Variants in THSD7A observed in about 807,000 individuals in gnomAD.
The protein encoded by THSD7A is thrombospondin type-1 domain-containing protein 7A.
In THSD7A, 96 loss-of-function variants were observed where a neutral mutation model predicts 231.3. The ratio of observed to expected loss-of-function variants is 0.41; its 90% CI spans 0.35 to 0.49. The LOEUF is 0.49. Among genes scored for constraint, THSD7A ranks in the 20% least tolerant of loss-of-function variants. The pLI is 0.05. For missense variants in THSD7A, 2,290 were observed against 2,070.2 expected (o/e 1.11, Z -2.06); for synonymous variants, 940 against 743.3 (o/e 1.26, Z -4.30).
chr7:11,788,636 A>T (rs772852125), intron 1 of THSD7A, among the ~76,000 whole-genome samples: 21 of 152,072 alleles, frequency 1.4e-4, no homozygotes, highest in Non-Finnish European at 3.1e-4. Flanking sequence ...AAGTCATTCA[A>T]TGTAGAGACG....
At chr7:11,397,348 G>A (rs1783227575) in intron 23 of THSD7A, among the ~76,000 whole-genome samples, 1 of 152,170 alleles carries the variant, frequency 6.6e-6, no homozygotes, top group African/African-American at 2.4e-5. Context: ...CGGGAAAACT[G>A]GCTAGCCATA....
At chr7:11,449,026 T>G (rs1785062662) in intron 11 of THSD7A, among the ~76,000 whole-genome samples, 1 of 152,096 alleles carries the variant, frequency 6.6e-6, no homozygotes. Flanking sequence ...AGGACACATC[T>G]GGTACTCTGT....
At chr7:11,518,332 G>C (rs1179220230) in intron 6 of THSD7A, among the ~76,000 whole-genome samples, 2 of 152,126 alleles carry the variant, frequency 1.3e-5, no homozygotes, top group Non-Finnish European at 2.9e-5. Context: ...GGAAGCGTGA[G>C]AGACTGTGGA....
rs1782053047 is a variant in THSD7A at position 11,371,560 on chromosome 7, C to T, written c.*4234G>A. 1 of 152,164 alleles carries T rather than the reference C, an allele frequency of 6.6e-6. No homozygotes were observed. Among genetic ancestry groups the T allele is most frequent in the Non-Finnish European group, 1.5e-5 (1 of 68,042 alleles). The allele number at this position is 152,164 out of a possible 1,614,324, so 9.4% of individuals were successfully genotyped here. On this transcript the variant is annotated 3_prime_UTR_variant, in exon 28 of 28. Coordinates refer to ENST00000423059, the MANE Select transcript of THSD7A (RefSeq NM_015204.3). ...CCCAGATCATTTGGGAATTGTGCTT[C>T]TCATGTACTATTGAGACCCACGTCA...
intron 6 of THSD7A, among the ~76,000 whole-genome samples, chr7:11,528,388 A>G (rs1489354963): frequency 6.6e-6 from 1 of 152,114 alleles, no homozygotes; most frequent in African/African-American, 2.4e-5. Flanking sequence ...GTTCATCCTT[A>G]AAGCGATTAT....
intron 23 of THSD7A, chr7:11,384,342 C>G (rs868313311): frequency 6.6e-6 from 1 of 150,748 alleles, no homozygotes; most frequent in Non-Finnish European, 1.5e-5. Flanking sequence ...TGTCCTGTAA[C>G]CTTCTACTGT....
chr7:11,557,614 C>T (rs551951415), intron 4 of THSD7A, among the ~76,000 whole-genome samples: 1 of 152,206 alleles, frequency 6.6e-6, no homozygotes, highest in East Asian at 1.9e-4. Context: ...TATGACCCTG[C>T]TCCAGAATGG....
intron 23 of THSD7A, among the ~76,000 whole-genome samples, chr7:11,389,088 G>T (rs1489238535): frequency 6.6e-6 from 1 of 152,084 alleles, no homozygotes; most frequent in Non-Finnish European, 1.5e-5. Context: ...TGTTGATTTG[G>T]GGTGGAGAGT....
At chr7:11,639,936 A>G (rs538857111) in intron 1 of THSD7A, among the ~76,000 whole-genome samples, 7 of 152,166 alleles carry the variant, frequency 4.6e-5, no homozygotes, top group Non-Finnish European at 1.0e-4. Flanking sequence ...CTTACAAACC[A>G]AATTTTAGCA....
At chr7:11,761,984 T>C (rs67255535) in intron 1 of THSD7A, among the ~76,000 whole-genome samples, 30,155 of 152,070 alleles carry the variant, frequency 0.2, 3,838 homozygotes, top group African/African-American at 0.36. Flanking sequence ...ATACCACTTA[T>C]AACTGAGAAC....
intron 1 of THSD7A, among the ~76,000 whole-genome samples, chr7:11,703,159 C>T (rs567510819): frequency 1.9e-4 from 29 of 151,216 alleles, no homozygotes; most frequent in Admixed American, 1.5e-3. Context: ...TGAGCCAGCA[C>T]GTGTGTTGTT....
chr7:11,380,762 T>C (rs969351959), intron 24 of THSD7A, among the ~76,000 whole-genome samples: 1 of 152,180 alleles, frequency 6.6e-6, no homozygotes, highest in Non-Finnish European at 1.5e-5. Flanking sequence ...TCATCTCTCC[T>C]AAAAGATGAA....
Position 11,376,640 on chromosome 7 carries a change from A to T in THSD7A, c.4819T>A (p.Trp1607Arg). 6.3e-7 allele frequency: 1 copy of T among 1,580,484 alleles called. No individual in the cohort carries two copies. The highest frequency in any genetic ancestry group is 8.6e-7 in the Non-Finnish European group (1 of 1,162,214). ...GCCCCAGCTGCTACACCGTAAACCC[A>T]GGTCTTTAGTCTCCCATCTAAGAAG... is the stretch of plus-strand genomic sequence containing the variant. ...PFGPDGRLKT[W>R]VYGVAAGAFV... Residue 1607 changes from tryptophan (W) to arginine (R), a missense_variant, in exon 27 of 28, where the codon TGG becomes AGG. Physicochemically the swap from Trp to Arg is moderately radical, Grantham distance 101. Transcript: ENST00000423059.
chr7:11,764,569 CAAAA>C (rs11423096), intron 1 of THSD7A, among the ~76,000 whole-genome samples: 2 of 106,328 alleles, frequency 1.9e-5, no homozygotes, highest in Non-Finnish European at 2.0e-5. Context: ...GACTCCGTCT[CAAAA>C]AAAAAAAAAA....
intron 1 of THSD7A, among the ~76,000 whole-genome samples, chr7:11,774,347 G>T (rs560823657): frequency 6.6e-6 from 1 of 152,134 alleles, no homozygotes; most frequent in East Asian, 1.9e-4. Flanking sequence ...AGGAATAAAT[G>T]GGGAGCTGGT....
chr7:11,408,459 C>A (rs190961048), intron 19 of THSD7A, among the ~76,000 whole-genome samples: 85 of 150,040 alleles, frequency 5.7e-4, no homozygotes, highest in Admixed American at 2.3e-3. Flanking sequence ...GATGGCACCA[C>A]TGCACTCCAG....
In THSD7A at chr7:11,752,131, A is replaced by G. The variant is rs147572068; in HGVS notation, c.190+79626T>C. Among the ~76,000 whole-genome samples the G allele has an allele frequency of 2.2e-3, 331 of 152,142 alleles. 1 individual carries two copies. Among genetic ancestry groups the G allele is most frequent in the African/African-American group, 7.6e-3 (314 of 41,568 alleles). ...CCACCAGCTGGCGATTTCTGGTCAGATCATGAGGCACCTATGGCCTTGTTT... is the reference window on the plus strand; with the variant it reads ...CCACCAGCTGGCGATTTCTGGTCAGGTCATGAGGCACCTATGGCCTTGTTT... On this transcript the variant is annotated intron_variant, in intron 1 of 27. Transcript: ENST00000423059.
At chr7:11,688,134 C>G (rs1287457038) in intron 1 of THSD7A, among the ~76,000 whole-genome samples, 1 of 136,716 alleles carries the variant, frequency 7.3e-6, no homozygotes, top group Non-Finnish European at 1.5e-5. Flanking sequence ...TTGTTCAATT[C>G]CCACCTATGA....
chr7:11,564,213 T>C (rs1790203286), intron 4 of THSD7A, among the ~76,000 whole-genome samples: 3 of 152,234 alleles, frequency 2.0e-5, no homozygotes, highest in Admixed American at 1.3e-4. Context: ...CCTTTTTCTT[T>C]TCTCCTCAGC....
Sources: allele counts gnomAD v4.1 joint callset (sites outside exome capture counted in the v4.1 genomes callset), GRCh38; gene constraint gnomAD v4.1.1; transcripts MANE v1.5; gene names NCBI Gene and HGNC (gene_info 2026-07-23, HGNC 2026-07-21).